Variants in MSI2 observed in about 807,000 individuals in gnomAD.
The protein encoded by MSI2 is musashi RNA binding protein 2.
In MSI2, 17 loss-of-function variants were observed where a neutral mutation model predicts 45.6. The observed-to-expected ratio is 0.37, with a 90% CI of 0.26 to 0.56. MSI2 has a LOEUF of 0.56. Among genes scored for constraint, MSI2 ranks in the 20% least tolerant of loss-of-function variants. MSI2 has a pLI of 0.77. For missense variants in MSI2, 293 were observed against 444.2 expected (o/e 0.66, Z 3.06); for synonymous variants, 156 against 158.2 (o/e 0.99, Z 0.11).
chr17:57,281,663 G>A (rs1008676409), intron 5 of MSI2, among the ~76,000 whole-genome samples: 1 of 152,090 alleles, frequency 6.6e-6, no homozygotes, highest in Admixed American at 6.5e-5. Context: ...AGTTTTCCAC[G>A]AGTGCAGCCA....
chr17:57,496,137 C>T (rs1017076263), intron 6 of MSI2, among the ~76,000 whole-genome samples: 1 of 152,166 alleles, frequency 6.6e-6, no homozygotes, highest in African/African-American at 2.4e-5. Context: ...ATTATTGTCG[C>T]TTGTGTCATT....
intron 10 of MSI2, chr17:57,632,098 C>CGA (rs1598475587): frequency 2.4e-6 from 3 of 1,266,422 alleles, no homozygotes; most frequent in Admixed American, 4.1e-5. Context: ...CAGAATGTAA[C>CGA]GGGGCCAGAG....
chr17:57,570,992 C>T (rs1234262850), intron 7 of MSI2, among the ~76,000 whole-genome samples: 1 of 152,166 alleles, frequency 6.6e-6, no homozygotes, highest in African/African-American at 2.4e-5. Flanking sequence ...CAGATTTGAG[C>T]AAAGCCTGAG....
intron 5 of MSI2, among the ~76,000 whole-genome samples, chr17:57,325,248 C>T (rs1321288820): frequency 6.6e-6 from 1 of 152,196 alleles, no homozygotes; most frequent in East Asian, 1.9e-4. Flanking sequence ...CACATGTTCT[C>T]ACTTACAAGT....
chr17:57,486,691 G>T (rs979323313), intron 6 of MSI2, among the ~76,000 whole-genome samples: 1 of 152,092 alleles, frequency 6.6e-6, no homozygotes, highest in Non-Finnish European at 1.5e-5. Flanking sequence ...TGTTAATTCC[G>T]AGCTGGGAGG....
At chr17:57,515,601 C>A (rs576769307) in intron 6 of MSI2, among the ~76,000 whole-genome samples, 2 of 152,084 alleles carry the variant, frequency 1.3e-5, no homozygotes, top group Non-Finnish European at 2.9e-5. Context: ...CTCTAGTGGG[C>A]GCTAGGTAGG....
chr17:57,458,326 TCTTGACCTCGTGATCCACCCGC>T lies in MSI2; in HGVS notation c.405+56860_405+56881del, dbSNP rs905743901. Among the ~76,000 whole-genome samples the T allele has an allele frequency of 9.2e-5, 14 of 152,206 alleles. 1 individual carries two copies. Among genetic ancestry groups the T allele is most frequent in the Admixed American group, 3.9e-4 (6 of 15,288 alleles). ...TGTGTTAGCCAGGATGGTCTCGATC[TCTTGACCTCGTGATCCACCCGC>T]CTTGGCCTCCCAAAGTGCTGGGATT... On this transcript the variant is annotated intron_variant, in intron 6 of 13. Coordinates refer to ENST00000284073, the MANE Select transcript of MSI2 (RefSeq NM_138962.4).
chr17:57,377,090 T>C (rs980754894), intron 5 of MSI2, among the ~76,000 whole-genome samples: 1 of 152,088 alleles, frequency 6.6e-6, no homozygotes, highest in Non-Finnish European at 1.5e-5. Context: ...CCAGCTAATT[T>C]TTTGTATTTT....
chr17:57,335,346 C>T (rs1012532928), intron 5 of MSI2, among the ~76,000 whole-genome samples: 1 of 152,240 alleles, frequency 6.6e-6, no homozygotes, highest in African/African-American at 2.4e-5. Flanking sequence ...CCCCCACCTG[C>T]CTTTACACCA....
Position 57,258,285 on chromosome 17 carries a change from C to G in MSI2, c.201C>G (p.Val67=), listed in dbSNP as rs1197601350. The change falls in exon 4 of 14, where the codon GTC becomes GTG. Residue 67 remains valine, a synonymous_variant. Coordinates refer to ENST00000284073, the MANE Select transcript of MSI2 (RefSeq NM_138962.4). ...TTKRSRGFGF[V]TFADPASVDK... is the part of the protein sequence containing the mutation. Reference sequence around the variant, plus strand: ...CTCCTTTCAGAGGCTTCGGTTTCGTCACGTTCGCAGACCCAGCAAGTGTAG... The same window carrying G: ...CTCCTTTCAGAGGCTTCGGTTTCGTGACGTTCGCAGACCCAGCAAGTGTAG... 3.7e-6 allele frequency: 6 copies of G among 1,614,148 alleles called. No individual in the cohort carries two copies. The highest frequency in any genetic ancestry group is 1.1e-5 in the South Asian group (1 of 91,084).
intron 6 of MSI2, among the ~76,000 whole-genome samples, chr17:57,430,872 A>C (rs1370904667): frequency 6.6e-6 from 1 of 152,192 alleles, no homozygotes; most frequent in African/African-American, 2.4e-5. Flanking sequence ...ATGAAGATGA[A>C]GGAGTTTTCA....
rs571071406 is a variant in MSI2 at position 57,683,709 on chromosome 17, G to A, written c.*4192G>A. The stretch of plus-strand genomic sequence containing the variant: ...TTTTTTTCTTGAATGTGCTTCGCAA[G>A]CCAGGCTATCTTCCAAGGAAGGCAG... On this transcript the variant is annotated 3_prime_UTR_variant, in exon 14 of 14. Transcript: ENST00000284073. This position sits in a 1 kb window ranked among gnomAD's most constrained non-coding sequence, Gnocchi z 5.2. 1.3e-5 allele frequency: 3 copies of A among 226,082 alleles called. No homozygotes were observed. The highest frequency in any genetic ancestry group is 5.8e-5 in the Admixed American group (1 of 17,374). The allele number at this position is 226,082 out of a possible 1,614,324, so 14.0% of individuals were successfully genotyped here. A position where few individuals can be genotyped will look rare whatever the true frequency, so the allele number is the denominator to read the frequency against.
chr17:57,578,107 C>T (rs1014716964), intron 7 of MSI2, among the ~76,000 whole-genome samples: 4 of 152,204 alleles, frequency 2.6e-5, no homozygotes, highest in South Asian at 2.1e-4. Context: ...TTGCCTCCTC[C>T]GCCCCTGCCC....
At chr17:57,586,866 A>G (rs1206971096) in intron 7 of MSI2, among the ~76,000 whole-genome samples, 1 of 139,222 alleles carries the variant, frequency 7.2e-6, no homozygotes, top group African/African-American at 2.6e-5. Flanking sequence ...AAAAAAAAAA[A>G]GTTTCCCACT....
chr17:57,499,550 A>G (rs2086056182), intron 6 of MSI2, among the ~76,000 whole-genome samples: 1 of 152,218 alleles, frequency 6.6e-6, no homozygotes, highest in Non-Finnish European at 1.5e-5. Context: ...AGTTTACAGC[A>G]TGTTTTTATA....
At chr17:57,357,503 C>T (rs930688402) in intron 5 of MSI2, among the ~76,000 whole-genome samples, 7 of 152,320 alleles carry the variant, frequency 4.6e-5, no homozygotes, top group African/African-American at 1.7e-4. Flanking sequence ...CTTGTGCTTT[C>T]TTGGCACCGC....
At chr17:57,506,374 G>A (rs1224048659) in intron 6 of MSI2, among the ~76,000 whole-genome samples, 1 of 152,232 alleles carries the variant, frequency 6.6e-6, no homozygotes, top group African/African-American at 2.4e-5. Context: ...GTAGATGAGA[G>A]GGATCTGTAA....
intron 6 of MSI2, among the ~76,000 whole-genome samples, chr17:57,502,702 G>A (rs988662195): frequency 7.0e-6 from 1 of 143,294 alleles, no homozygotes; most frequent in Non-Finnish European, 1.5e-5. Flanking sequence ...TCTAATGCTG[G>A]GTCACTACTG....
chr17:57,469,616 G>T (rs1332875065), intron 6 of MSI2, among the ~76,000 whole-genome samples: 1 of 152,190 alleles, frequency 6.6e-6, no homozygotes, highest in African/African-American at 2.4e-5. Flanking sequence ...TAATCTTCAG[G>T]CCCTGGCTTG....
Sources: gnomAD v4.1 joint callset for allele counts (sites outside exome capture counted in the v4.1 genomes callset) on GRCh38, gnomAD v4.1.1 for gene constraint, Gnocchi (gnomAD v3.1) non-coding constraint, MANE v1.5 for transcripts, NCBI Gene and HGNC (gene_info 2026-07-23, HGNC 2026-07-21) for gene names.